Variants in PLCB2 observed in about 807,000 individuals in gnomAD.
PLCB2 encodes phospholipase C beta 2, also known as 1-phosphatidylinositol 4,5-bisphosphate phosphodiesterase beta-2.
Under a neutral mutation model 141.7 loss-of-function variants are expected in PLCB2, and 115 were observed. The observed-to-expected ratio is 0.81, with a 90% CI of 0.70 to 0.95. PLCB2 has a LOEUF of 0.95. Ranked by LOEUF, PLCB2 falls within the 40% of genes least tolerant of loss-of-function variation. The probability of loss-of-function intolerance (pLI) is 0.00; values close to 1 mark genes in which losing one functional copy is unlikely to be tolerated. For missense variants in PLCB2, 1,403 were observed against 1,541.1 expected (o/e 0.91, Z 1.50); for synonymous variants, 603 against 595.6 (o/e 1.01, Z -0.18).
In PLCB2 at chr15:40,290,781, G is replaced by T. The variant is rs777671238; in HGVS notation, c.3093C>A (p.Ala1031=). 1.9e-6 allele frequency: 3 copies of T among 1,613,764 alleles called. No homozygotes were observed. Among genetic ancestry groups the T allele is most frequent in the South Asian group, 2.2e-5 (2 of 91,070 alleles). ...CGTACTTCTCCGACGTCTCCTTCAG[G>T]GCCTTCAGCTCTGCCGCCTGTTTCT... ...AREKQAAELK[A]LKETSENDTK... The change falls in exon 28 of 32, where the codon GCC becomes GCA. Residue 1031 remains alanine, a synonymous_variant. Transcript: ENST00000260402.
chr15:40,303,869 C>A (rs1398187220), intron 2 of PLCB2, 132 bp downstream of exon 2: 1 of 635,268 alleles, frequency 1.6e-6, no homozygotes, highest in Non-Finnish European at 2.8e-6. Context: ...TACAGGGGAG[C>A]CTCTGGAGCC....
At chr15:40,301,116 G>A (rs1049602868) in intron 7 of PLCB2, 19 of 163,876 alleles carry the variant, frequency 1.2e-4, no homozygotes, top group African/African-American at 4.6e-4. Context: ...CCCTGTGACT[G>A]ACTGCATCAA....
At chr15:40,303,907 A>G in intron 2 of PLCB2, 94 bp downstream of exon 2, 1 of 861,232 alleles carries the variant, frequency 1.2e-6, no homozygotes. Flanking sequence ...TGTACTCCCC[A>G]GCATCCATGC....
rs372818214 is a variant in PLCB2, at chr15:40,298,641, G to C, written c.918C>G (p.Asp306Glu). Reference sequence around the variant, plus strand: ...TCATGTCGTGGTGGAGCAGCAGCTTGTCCTGGGCCAGCACGCTGTTCTCTG... The same window carrying C: ...TCATGTCGTGGTGGAGCAGCAGCTTCTCCTGGGCCAGCACGCTGTTCTCTG... ...CGPENSVLAQDKLLLHHDMTQ... is the reference protein window; with the variant it reads ...CGPENSVLAQEKLLLHHDMTQ... The change falls in exon 10 of 32, where the codon GAC becomes GAG. Residue 306 changes from aspartate to glutamate, a missense_variant. Asp to Glu is a conservative substitution (Grantham distance 45). This residue lies in a region of PLCB2 where 975 missense variants were observed against 1,141.1 expected (regional missense o/e 0.85). Coordinates refer to ENST00000260402, the MANE Select transcript of PLCB2 (RefSeq NM_004573.3). The C allele has an allele frequency of 5.0e-6, 8 of 1,614,122 alleles. No individual in the cohort carries two copies. The highest frequency in any genetic ancestry group is 1.7e-5 in the Admixed American group (1 of 60,012).
At position 40,294,455 on chromosome 15, in the gene PLCB2, A is replaced by T. The variant is rs149738481; in HGVS notation, c.1907-35T>A. 6.8e-4 allele frequency: 1,104 copies of T among 1,611,784 alleles called. 6 individuals carry two copies. In the African/African-American group the frequency reaches 0.013, roughly 20 times the overall value. On this transcript the variant is annotated intron_variant, in intron 18 of 31. Transcript: ENST00000260402. ...CAAGGACACTCAGTGAGGAAGGCCC[A>T]GCCCTGGGGCTGTGCCCAGTCTCCA... is the stretch of plus-strand genomic sequence containing the variant.
chr15:40,290,101 T>C lies in PLCB2; in HGVS notation c.3210-19A>G. On this transcript the variant is annotated intron_variant, in intron 29 of 31. Transcript: ENST00000260402. ...CTTCAACCTGTTGGTGTAATTGGAG[T>C]TTTAGAAAAGGGAGAAAACCCCTAG... The C allele has an allele frequency of 6.4e-7, 1 of 1,566,208 alleles. No homozygotes were observed. Among genetic ancestry groups the C allele is most frequent in the Non-Finnish European group, 8.8e-7 (1 of 1,136,626 alleles).
intron 7 of PLCB2, 29 bp from the exon 8 acceptor site, chr15:40,299,257 G>A (rs760177971): frequency 7.0e-7 from 1 of 1,434,352 alleles, no homozygotes; most frequent in South Asian, 1.1e-5. Flanking sequence ...TATTGCCCCT[G>A]CCCTCACCTT....
chr15:40,292,394 C>T lies in PLCB2; in HGVS notation c.2376G>A (p.Met792Ile), dbSNP rs2039988057. 1.2e-6 allele frequency: 2 copies of T among 1,613,922 alleles called. No individual in the cohort carries two copies. Among genetic ancestry groups the T allele is most frequent in the African/African-American group, 2.7e-5 (2 of 75,032 alleles). ...TCTCCAGGAAGATGAAGAGCGCAGG[C>T]ATGGTGAGGGGCATGTTGCTCTCAC... ...LHSESNMPLT[M>I]PALFIFLEMK... Residue 792 changes from methionine to isoleucine, a missense_variant, in exon 22 of 32, where the codon ATG (methionine) becomes ATA (isoleucine). Met to Ile is a conservative substitution (Grantham distance 10). Transcript: ENST00000260402.
intron 20 of PLCB2, 50 bp from the exon 21 acceptor site, chr15:40,293,075 G>T: frequency 8.7e-7 from 1 of 1,155,714 alleles, no homozygotes; most frequent in Non-Finnish European, 1.3e-6. Flanking sequence ...GAGGAGCCAA[G>T]CTGACCCCCT....
Position 40,288,905 on chromosome 15 carries a change from G to A in PLCB2, c.3368C>T (p.Ala1123Val), listed in dbSNP as rs753301403. ...REMEKQFQKEALAEYEARMKG... is the reference protein window; with the variant it reads ...REMEKQFQKEVLAEYEARMKG... ...CATCCTGGCCTCGTACTCTGCCAGC[G>A]CCTCCTTCTGGAACTGTGGAGACAG... Residue 1123 changes from alanine to valine, a missense_variant, in exon 32 of 32, where the codon GCG becomes GTG. Ala to Val is a moderately conservative substitution (Grantham distance 64, BLOSUM62 0). Transcript: ENST00000260402. 78 of 1,612,892 alleles carry A rather than the reference G, an allele frequency of 4.8e-5. 1 individual carries two copies. Among genetic ancestry groups the A allele is most frequent in the South Asian group, 1.3e-4 (12 of 91,054 alleles).
Position 40,291,668 on chromosome 15 carries a change from T to G in PLCB2, c.2603-18A>C, listed in dbSNP as rs1219569610. The G allele has an allele frequency of 1.2e-6, 2 of 1,612,186 alleles. No homozygotes were observed. The highest frequency in any genetic ancestry group is 1.7e-6 in the Non-Finnish European group (2 of 1,179,384). The stretch of plus-strand genomic sequence containing the variant: ...CCTGGCTGCTGCAAGAGCCACGGGC[T>G]GGGCTGTCAGGTGCTCTGGGGGGCC... On this transcript the variant is annotated intron_variant, in intron 24 of 31. Transcript: ENST00000260402.
chr15:40,300,106 GGAGTTCGAGACCAGCCT>G (rs1299344183), intron 7 of PLCB2, among the ~76,000 whole-genome samples: 1 of 152,212 alleles, frequency 6.6e-6, no homozygotes, highest in Non-Finnish European at 1.5e-5. Flanking sequence ...CCTGAGGTCA[GGAGTTCGAGACCAGCCT>G]GGCCAACATG....
At chr15:40,289,093 G>T in intron 31 of PLCB2, 175 bp from the exon 32 acceptor site, 1 of 1,088,884 alleles carries the variant, frequency 9.2e-7, no homozygotes. Context: ...TCAGGAAAGG[G>T]GATCCTAACC....
chr15:40,286,123 G>A, downstream of PLCB2: 1 of 823,114 alleles, frequency 1.2e-6, no homozygotes, highest in Non-Finnish European at 1.5e-6. Flanking sequence ...AGACTTTGCT[G>A]CAGAGCACAG....
downstream of PLCB2, chr15:40,285,607 C>T: frequency 2.0e-6 from 2 of 985,412 alleles, no homozygotes; most frequent in Non-Finnish European, 2.4e-6. Context: ...AGAGACTCTC[C>T]ACCCCCAGTA....
chr15:40,297,984 A>G lies in PLCB2; in HGVS notation c.1156-25T>C, dbSNP rs776001934. The G allele has an allele frequency of 4.5e-6, 7 of 1,541,028 alleles. No individual in the cohort carries two copies. The South Asian group carries it at 6.7e-5, about 15-fold the overall frequency. On this transcript the variant is annotated intron_variant, in intron 11 of 31. Coordinates refer to ENST00000260402, the MANE Select transcript of PLCB2 (RefSeq NM_004573.3). The surrounding 1 kb of genome is among the most constrained non-coding windows in gnomAD (Gnocchi z 4.2). ...CCTGGAGGAGAAGGAGACTCCATGA[A>G]CAGAAGGTCAGCGTTCCGACTGCCT...
At chr15:40,299,253 C>T (rs1416279224) in intron 7 of PLCB2, 25 bp from the exon 8 acceptor site, 2 of 1,496,934 alleles carry the variant, frequency 1.3e-6, no homozygotes, top group African/African-American at 2.8e-5. Flanking sequence ...ACCTTATTGC[C>T]CCTGCCCTCA....
downstream of PLCB2, among the ~76,000 whole-genome samples, chr15:40,287,368 T>C (rs1363215825): frequency 6.6e-6 from 1 of 152,092 alleles, no homozygotes; most frequent in Non-Finnish European, 1.5e-5. Flanking sequence ...GTAACTCTAA[T>C]AAGAAAACAA....
In PLCB2 at chr15:40,296,528, C is replaced by T. The variant is rs181950993; in HGVS notation, c.1593G>A (p.Ser531=). ...LDEEEIKKMQ[S]DEGTAGLEVT... ...TGGGGCTACCCCCACACACCTCATC[C>T]GACTGCATCTTCTTAATCTCTTCTT... Residue 531 remains serine, a synonymous_variant, in exon 15 of 32, where the codon TCG becomes TCA. Coordinates refer to ENST00000260402, the MANE Select transcript of PLCB2 (RefSeq NM_004573.3). The T allele has an allele frequency of 6.3e-5, 101 of 1,614,024 alleles. No individual in the cohort carries two copies. Among genetic ancestry groups the T allele is most frequent in the Non-Finnish European group, 7.4e-5 (87 of 1,179,948 alleles).
Sources: gnomAD v4.1 joint callset for allele counts (sites outside exome capture counted in the v4.1 genomes callset) on GRCh38, gnomAD v4.1.1 for gene constraint, gnomAD v4.1.1 regional missense constraint, Gnocchi (gnomAD v3.1) non-coding constraint, MANE v1.5 for transcripts, NCBI Gene and HGNC (gene_info 2026-07-23, HGNC 2026-07-21) for gene names.